SEM1: variants seen among roughly 807,000 people sequenced by gnomAD.
SEM1 encodes SEM1 26S proteasome subunit, also known as 26S proteasome complex subunit SEM1.
SEM1 carries 3 observed loss-of-function variants against 12.7 expected under a neutral mutation model. The ratio of observed to expected loss-of-function variants is 0.24; its 90% confidence interval spans 0.11 to 0.61. The LOEUF (loss-of-function observed/expected upper bound fraction) is 0.61. Among genes scored for constraint, SEM1 ranks in the 20% least tolerant of loss-of-function variants. The pLI is 0.88. For synonymous variants in SEM1, 30 were observed against 27.8 expected (o/e 1.08, Z -0.25); for missense variants, 59 against 81.3 (o/e 0.73, Z 1.06).
intron 2 of SEM1, among the ~76,000 whole-genome samples, chr7:96,569,198 A>C (rs1805941964): frequency 1.3e-5 from 2 of 152,016 alleles, no homozygotes; most frequent in Non-Finnish European, 2.9e-5. Context: ...GTGGGAAGTC[A>C]GTCTTGATTC....
chr7:96,507,837 T>C (rs1803805799), intron 2 of SEM1, among the ~76,000 whole-genome samples: 1 of 152,004 alleles, frequency 6.6e-6, no homozygotes, highest in South Asian at 2.1e-4. Context: ...AGAGGGCGTC[T>C]CAGAATTGTC....
Position 96,582,968 on chromosome 7 carries a change from T to G in SEM1, c.171-76270A>C, listed in dbSNP as rs1253938039. ...TTTGAAGGGTTTTTTGTGTCTCTAT[T>G]CCCTTCAGTTCTGCTCTGATTTTAG... On this transcript the variant is annotated intron_variant and NMD_transcript_variant, in intron 2 of 3. Transcript: ENST00000466986. 2.6e-5 allele frequency among the ~76,000 whole-genome samples: 4 copies of G among 152,190 alleles called. No individual in the cohort carries two copies. The South Asian group carries it at 6.2e-4, about 24-fold the overall frequency.
intron 2 of SEM1, among the ~76,000 whole-genome samples, chr7:96,616,913 T>C (rs1425326691): frequency 6.6e-6 from 1 of 152,176 alleles, no homozygotes; most frequent in Non-Finnish European, 1.5e-5. Context: ...ATATGTCTAT[T>C]TTTACACCAG....
chr7:96,564,969 GA>G (rs1805802584), intron 2 of SEM1, among the ~76,000 whole-genome samples: 1 of 151,740 alleles, frequency 6.6e-6, no homozygotes, highest in Non-Finnish European at 1.5e-5. Context: ...ATAAGCAGAA[GA>G]AAAAAATTAG....
intron 2 of SEM1, among the ~76,000 whole-genome samples, chr7:96,625,796 G>A (rs901150269): frequency 3.3e-5 from 5 of 152,198 alleles, no homozygotes; most frequent in African/African-American, 1.2e-4. Flanking sequence ...CACGTGGTGT[G>A]TAAAATAAAA....
chr7:96,488,836 G>A (rs570949519), intron 1 of SEM1, among the ~76,000 whole-genome samples: 1 of 152,018 alleles, frequency 6.6e-6, no homozygotes, highest in South Asian at 2.1e-4. Flanking sequence ...GGCCTGTTTT[G>A]TTCTTTGGGC....
rs1189197285 is a variant in SEM1 at position 96,513,493 on chromosome 7, TTGA to T, written c.171-6798_171-6796del. On this transcript the variant is annotated intron_variant and NMD_transcript_variant, in intron 2 of 3. Transcript: ENST00000466986. Reference sequence around the variant, plus strand: ...ATCCTTATCTGATAGCATTAGGGGGTTGATATGTTTCTTTCCAGGTCTTTTATC... The same window carrying T: ...ATCCTTATCTGATAGCATTAGGGGGTTATGTTTCTTTCCAGGTCTTTTATC... 2.0e-5 allele frequency among the ~76,000 whole-genome samples: 3 copies of T among 151,686 alleles called. No individual in the cohort carries two copies. In the South Asian group the frequency reaches 6.3e-4, roughly 32 times the overall value.
chr7:96,613,002 T>G (rs979063605), intron 2 of SEM1, among the ~76,000 whole-genome samples: 1 of 152,144 alleles, frequency 6.6e-6, no homozygotes, highest in African/African-American at 2.4e-5. Context: ...AAAGAAAGTA[T>G]TTTTTTTAAA....
chr7:96,604,897 CGA>C (rs5885975), intron 2 of SEM1, among the ~76,000 whole-genome samples: 146,654 of 151,832 alleles, frequency 0.97, 71,020 homozygotes, highest in East Asian at 1. Flanking sequence ...CCAGCCTGGG[CGA>C]GACAGAGCAA....
chr7:96,570,653 G>A (rs1316677325), intron 2 of SEM1, among the ~76,000 whole-genome samples: 4 of 151,284 alleles, frequency 2.6e-5, no homozygotes, highest in Non-Finnish European at 4.4e-5. Flanking sequence ...CGCGATAAAC[G>A]ATAAACATAT....
rs576288670 is a variant in SEM1, at chr7:96,696,757, A to G, written c.77-1866T>C. On this transcript the variant is annotated intron_variant, in intron 1 of 2. Transcript: ENST00000248566. Reference sequence around the variant, plus strand: ...AACACTTACAAATTCTCTATACTATACATACATGTTACAATATATGTAAGT... The same window carrying G: ...AACACTTACAAATTCTCTATACTATGCATACATGTTACAATATATGTAAGT... 3.9e-5 allele frequency: 6 copies of G among 152,138 alleles called. No homozygotes were observed. The East Asian group carries it at 1.2e-3, about 29-fold the overall frequency. 9.4% of individuals were successfully genotyped at this position (152,138 alleles called of 1,614,324 possible).
intron 2 of SEM1, among the ~76,000 whole-genome samples, chr7:96,548,650 G>A (rs188195899): frequency 7.6e-4 from 116 of 152,188 alleles, no homozygotes; most frequent in Non-Finnish European, 1.3e-3. Flanking sequence ...GTGATCAACC[G>A]AACTATCTGG....
At chr7:96,544,616 G>A (rs897679755) in intron 2 of SEM1, among the ~76,000 whole-genome samples, 3 of 151,946 alleles carry the variant, frequency 2.0e-5, no homozygotes, top group African/African-American at 7.2e-5. Flanking sequence ...CTACCTTGCA[G>A]TTGAAAATCC....
rs565513188 is a variant in SEM1 at position 96,647,084 on chromosome 7, G to A, written c.171-24441C>T. Among the ~76,000 whole-genome samples, 18 of 152,208 alleles carry A rather than the reference G, an allele frequency of 1.2e-4. No individual in the cohort carries two copies. The South Asian group carries it at 2.3e-3, about 19-fold the overall frequency. ...AGTTTACAAAGCAGTAATATGTTTC[G>A]GTCTCTGGTGTGCTCTGCAGCCACC... On this transcript the variant is annotated intron_variant, in intron 2 of 2. Coordinates refer to the SEM1 transcript ENST00000417009.
At position 96,656,095 on chromosome 7, in the gene SEM1, C is replaced by T. The variant is rs1363327158; in HGVS notation, c.171-33452G>A. 2.0e-5 allele frequency among the ~76,000 whole-genome samples: 3 copies of T among 152,136 alleles called. No homozygotes were observed. In the East Asian group the frequency reaches 5.8e-4, roughly 29 times the overall value. ...AGTCCAGTCTGACCTCAGAAACAGG[C>T]TCTTGCCCTGGGCAGGAGGAATGTA... On this transcript the variant is annotated intron_variant, in intron 2 of 2. Coordinates refer to the SEM1 transcript ENST00000417009.
intron 2 of SEM1, among the ~76,000 whole-genome samples, chr7:96,676,316 T>G (rs1207642981): frequency 6.6e-6 from 1 of 152,162 alleles, no homozygotes; most frequent in Non-Finnish European, 1.5e-5. Context: ...TCTCTACCTA[T>G]ATATAGGTTG....
chr7:96,575,734 A>G (rs780923332), intron 2 of SEM1, among the ~76,000 whole-genome samples: 3 of 152,230 alleles, frequency 2.0e-5, no homozygotes, highest in Non-Finnish European at 2.9e-5. Context: ...GGCTCTGCCC[A>G]CTTTGACTTT....
chr7:96,496,385 G>A (rs1245274964), upstream of SEM1: 3 of 984,070 alleles, frequency 3.0e-6, no homozygotes, highest in Non-Finnish European at 3.0e-6. Context: ...ATAAAAGAGT[G>A]TAAAGCCAAA....
In SEM1 at chr7:96,709,722, C is replaced by T; in HGVS notation, c.42G>A (p.Glu14=). ...KKQPVDLGLL[E]EDDEFEEFPA... is the part of the protein sequence containing the mutation. ...GGAACTCTTCAAACTCGTCGTCTTC[C>T]TCTAACAGACCTAAGTCTACCGGCT... Residue 14 remains glutamate (E), a synonymous_variant, in exon 1 of 3, where the codon GAG becomes GAA. Transcript: ENST00000248566. 1 of 1,613,970 alleles carries T rather than the reference C, an allele frequency of 6.2e-7. No homozygotes were observed.
Sources: gnomAD v4.1 joint callset for allele counts (sites outside exome capture counted in the v4.1 genomes callset) on GRCh38, gnomAD v4.1.1 for gene constraint, MANE v1.5 for transcripts, NCBI Gene and HGNC (gene_info 2026-07-23, HGNC 2026-07-21) for gene names.